The following PRIM2 variants were observed in gnomAD, a reference collection of about 807,000 sequenced individuals.
PRIM2 encodes DNA primase subunit 2.
PRIM2 carries 39 observed loss-of-function variants against 67.3 expected under a neutral mutation model. That is an observed-to-expected ratio of 0.58 (90% CI 0.45 to 0.76). The LOEUF is 0.76. Among genes scored for constraint, PRIM2 ranks in the 30% least tolerant of loss-of-function variants. The probability of loss-of-function intolerance (pLI) is 0.00; values close to 1 mark genes in which losing one functional copy is unlikely to be tolerated. For synonymous variants in PRIM2, 143 were observed against 198.7 expected (o/e 0.72, Z 2.36); for missense variants, 398 against 598.7 (o/e 0.66, Z 3.50).
At chr6:57,468,643 T>C (rs2127400750) in intron 7 of PRIM2, among the ~76,000 whole-genome samples, 1 of 152,342 alleles carries the variant, frequency 6.6e-6, no homozygotes, top group East Asian at 1.9e-4. Flanking sequence ...GTTGGCCTCA[T>C]AATATGGCCC....
chr6:57,471,078 T>TA lies in PRIM2; in HGVS notation c.694-36308dup, dbSNP rs1773326306. Among the ~76,000 whole-genome samples, 8 of 151,784 alleles carry TA rather than the reference T, an allele frequency of 5.3e-5. No individual in the cohort carries two copies. In the South Asian group the frequency reaches 8.3e-4, roughly 16 times the overall value. ...GACACAGATTTATAATGTTAGATAT[T>TA]AGGGATACTTATTTTTTTTTTTCCA... On this transcript the variant is annotated intron_variant, in intron 7 of 13. Transcript: ENST00000615550.
chr6:57,427,608 A>G (rs1771674938), intron 7 of PRIM2, among the ~76,000 whole-genome samples: 2 of 152,306 alleles, frequency 1.3e-5, no homozygotes, highest in South Asian at 2.1e-4. Flanking sequence ...GTGAGCCACC[A>G]TGCCCAGCCT....
At chr6:57,396,597 A>T (rs1212262897) in intron 7 of PRIM2, among the ~76,000 whole-genome samples, 1 of 152,210 alleles carries the variant, frequency 6.6e-6, no homozygotes, top group Admixed American at 6.5e-5. Flanking sequence ...GTGAATTCTT[A>T]TCCATTCTGC....
intron 10 of PRIM2, among the ~76,000 whole-genome samples, chr6:57,563,221 A>T (rs1383094959): frequency 6.6e-6 from 1 of 151,686 alleles, no homozygotes; most frequent in African/African-American, 2.4e-5. Context: ...TACATATCCT[A>T]AATATGTTAC....
the PRIM2 span, among the ~76,000 whole-genome samples, chr6:57,271,491 GTAT>G: frequency 6.6e-6 from 1 of 152,024 alleles, no homozygotes; most frequent in Non-Finnish European, 1.5e-5. Context: ...TTACCATTTT[GTAT>G]TCCGTCTATT....
chr6:57,607,145 ATATTT>A (rs1228602297), intron 12 of PRIM2, among the ~76,000 whole-genome samples: 6 of 152,218 alleles, frequency 3.9e-5, no homozygotes, highest in African/African-American at 1.4e-4. Flanking sequence ...AGAACATTAT[ATATTT>A]TAGAGTTAGA....
At chr6:57,425,615 A>G (rs1254208851) in intron 7 of PRIM2, among the ~76,000 whole-genome samples, 1 of 152,234 alleles carries the variant, frequency 6.6e-6, no homozygotes, top group East Asian at 1.9e-4. Context: ...CAAGCATAGG[A>G]AACATTTGGT....
Position 57,503,521 on chromosome 6 carries a change from G to T in PRIM2, c.694-3866G>T, listed in dbSNP as rs1554347068. Among the ~76,000 whole-genome samples, 303 of 152,260 alleles carry T rather than the reference G, an allele frequency of 2.0e-3. 1 individual carries two copies. The highest frequency in any genetic ancestry group is 6.9e-3 in the African/African-American group (286 of 41,538). ...CCCAGCACTTTGGGAGGCCAAGGCG[G>T]GTGGATCACTTGAGGTCAGAAGTTC... On this transcript the variant is annotated intron_variant, in intron 7 of 13. Transcript: ENST00000615550.
At chr6:57,502,165 T>G (rs1205794139) in intron 7 of PRIM2, among the ~76,000 whole-genome samples, 4 of 152,128 alleles carry the variant, frequency 2.6e-5, no homozygotes, top group African/African-American at 9.7e-5. Flanking sequence ...AAGGGAACCC[T>G]AGAGAAACCT....
intron 7 of PRIM2, among the ~76,000 whole-genome samples, chr6:57,489,069 C>A (rs1249534535): frequency 6.6e-6 from 1 of 152,216 alleles, no homozygotes; most frequent in Non-Finnish European, 1.5e-5. Flanking sequence ...CCTTATGTGG[C>A]TGTGCAAGGG....
intron 10 of PRIM2, among the ~76,000 whole-genome samples, chr6:57,563,090 G>A (rs1581992064): frequency 6.6e-6 from 1 of 152,156 alleles, no homozygotes; most frequent in East Asian, 1.9e-4. Context: ...CATGTCCCAC[G>A]TCTTGAGAGA....
chr6:57,232,093 T>A, the PRIM2 span, among the ~76,000 whole-genome samples: 5 of 152,246 alleles, frequency 3.3e-5, no homozygotes, highest in Non-Finnish European at 7.3e-5. Context: ...ATTTCTTTTT[T>A]TCAAGAGACA....
At chr6:57,386,417 CAAAAA>C (rs71299586) in intron 7 of PRIM2, among the ~76,000 whole-genome samples, 1 of 53,958 alleles carries the variant, frequency 1.9e-5, no homozygotes. Context: ...TACCCTGTCT[CAAAAA>C]AAAAAAAAAA....
rs1270373407 is a variant in PRIM2 at position 57,528,636 on chromosome 6, T to C, written c.762-3775T>C. Among the ~76,000 whole-genome samples, 4 of 152,210 alleles carry C rather than the reference T, an allele frequency of 2.6e-5. No homozygotes were observed. The East Asian group carries it at 5.8e-4, about 22-fold the overall frequency. ...ACCATTTATAGAGGCCTTTCATATT[T>C]GTTTATTTGATCTGAACAATCCTGT... On this transcript the variant is annotated intron_variant, in intron 8 of 13. Coordinates refer to ENST00000615550, the MANE Select transcript of PRIM2 (RefSeq NM_000947.5).
At chr6:57,432,894 G>A (rs1771881381) in intron 7 of PRIM2, among the ~76,000 whole-genome samples, 1 of 152,170 alleles carries the variant, frequency 6.6e-6, no homozygotes, top group African/African-American at 2.4e-5. Context: ...ATCTAAACAG[G>A]AACATTTACT....
chr6:57,234,843 T>A, the PRIM2 span, among the ~76,000 whole-genome samples: 1 of 152,172 alleles, frequency 6.6e-6, no homozygotes, highest in Non-Finnish European at 1.5e-5. Flanking sequence ...TTATTAATTT[T>A]TTGGAAATGA....
intron 7 of PRIM2, among the ~76,000 whole-genome samples, chr6:57,495,026 A>C (rs1773974335): frequency 7.4e-6 from 1 of 135,206 alleles, no homozygotes; most frequent in Non-Finnish European, 1.6e-5. Context: ...TTTAAATATA[A>C]TTAGGAAAGT....
At chr6:57,476,299 C>CA (rs1195221488) in intron 7 of PRIM2, among the ~76,000 whole-genome samples, 1 of 152,168 alleles carries the variant, frequency 6.6e-6, no homozygotes, top group Non-Finnish European at 1.5e-5. Context: ...AAAATACGTT[C>CA]AGCTACCAAA....
At chr6:57,283,881 T>G in the PRIM2 span, among the ~76,000 whole-genome samples, 1 of 151,654 alleles carries the variant, frequency 6.6e-6, no homozygotes, top group African/African-American at 2.4e-5. Context: ...TAATACTGAT[T>G]TTTTTTTAAA....
Sources: allele counts gnomAD v4.1 joint callset (sites outside exome capture counted in the v4.1 genomes callset), GRCh38; gene constraint gnomAD v4.1.1; transcripts MANE v1.5; gene names NCBI Gene and HGNC (gene_info 2026-07-23, HGNC 2026-07-21).